The following CRB1 variants were observed in gnomAD, a reference collection of about 807,000 sequenced individuals.
CRB1 encodes protein crumbs homolog 1.
CRB1 carries 83 observed loss-of-function variants against 120.0 expected under a neutral mutation model. The ratio of observed to expected loss-of-function variants is 0.69; its 90% CI spans 0.58 to 0.83. CRB1 has a LOEUF of 0.83. Among genes scored for constraint, CRB1 ranks in the 40% least tolerant of loss-of-function variants. The probability of loss-of-function intolerance (pLI) is 0.00; values close to 1 mark genes in which losing one functional copy is unlikely to be tolerated. For missense variants in CRB1, 1,699 were observed against 1,687.6 expected (o/e 1.01, Z -0.12); for synonymous variants, 625 against 612.5 (o/e 1.02, Z -0.30).
intron 1 of CRB1, among the ~76,000 whole-genome samples, chr1:197,291,156 A>G (rs1656155229): frequency 6.6e-6 from 1 of 151,880 alleles, no homozygotes; most frequent in African/African-American, 2.4e-5. Flanking sequence ...AATTAGTAAT[A>G]TTTAAATTTC....
intron 1 of CRB1, among the ~76,000 whole-genome samples, chr1:197,270,643 A>G (rs542944517): frequency 2.3e-4 from 35 of 152,196 alleles, no homozygotes; most frequent in Non-Finnish European, 3.8e-4. Flanking sequence ...TCTTATATAC[A>G]TAATAACCCT....
In CRB1 at chr1:197,405,078, C is replaced by T. The variant is rs569736611; in HGVS notation, c.1172-15922C>T. 8.6e-5 allele frequency among the ~76,000 whole-genome samples: 13 copies of T among 151,766 alleles called. No individual in the cohort carries two copies. In the South Asian group the frequency reaches 2.3e-3, roughly 27 times the overall value. ...CCTCTCCCTCTCCCTCTCCCTCTCCCCACGGTCTCCCTCTCCCTCTCTTTC... is the reference window on the plus strand; with the variant it reads ...CCTCTCCCTCTCCCTCTCCCTCTCCTCACGGTCTCCCTCTCCCTCTCTTTC... On this transcript the variant is annotated intron_variant, in intron 5 of 11. Coordinates refer to ENST00000367400, the MANE Select transcript of CRB1 (RefSeq NM_201253.3).
chr1:197,355,999 TAAAAC>T (rs1248775137), intron 4 of CRB1, among the ~76,000 whole-genome samples: 1 of 152,204 alleles, frequency 6.6e-6, no homozygotes, highest in Admixed American at 6.5e-5. Context: ...AAAATGTACA[TAAAAC>T]AAAGGTTAAA....
intron 8 of CRB1, among the ~76,000 whole-genome samples, chr1:197,434,323 T>C (rs1031197158): frequency 2.0e-5 from 3 of 151,484 alleles, no homozygotes; most frequent in African/African-American, 7.2e-5. Flanking sequence ...TATCAATGCT[T>C]TATTTGTGGG....
intron 1 of CRB1, among the ~76,000 whole-genome samples, chr1:197,270,192 T>C (rs1450687014): frequency 6.6e-6 from 1 of 152,170 alleles, no homozygotes; most frequent in Non-Finnish European, 1.5e-5. Context: ...TAACATAATA[T>C]CTAGCAGTAA....
the CRB1 span, among the ~76,000 whole-genome samples, chr1:197,256,238 C>G: frequency 6.6e-6 from 1 of 151,544 alleles, no homozygotes; most frequent in African/African-American, 2.4e-5. Context: ...TTCTAGGAAA[C>G]CATCTTTTCT....
chr1:197,252,044 A>G, the CRB1 span, among the ~76,000 whole-genome samples: 1 of 151,894 alleles, frequency 6.6e-6, no homozygotes, highest in African/African-American at 2.4e-5. Context: ...CTAGCTATCC[A>G]CAGTTTTGTT....
intron 11 of CRB1, among the ~76,000 whole-genome samples, chr1:197,451,600 G>T (rs997692721): frequency 1.3e-5 from 2 of 152,158 alleles, no homozygotes; most frequent in African/African-American, 4.8e-5. Context: ...AGCAAGGATG[G>T]GCTGGGCCTG....
intron 2 of CRB1, among the ~76,000 whole-genome samples, chr1:197,341,249 G>C (rs537998728): frequency 1.3e-5 from 2 of 152,144 alleles, no homozygotes; most frequent in Non-Finnish European, 2.9e-5. Flanking sequence ...ACGGTATCAG[G>C]AGGATGATCT....
intron 6 of CRB1, among the ~76,000 whole-genome samples, chr1:197,423,075 G>A (rs776489949): frequency 5.9e-5 from 9 of 152,068 alleles, no homozygotes; most frequent in Non-Finnish European, 1.3e-4. Context: ...GGAGAAAAAG[G>A]GAAATTATGC....
At chr1:197,384,423 C>A (rs1662111581) in intron 5 of CRB1, among the ~76,000 whole-genome samples, 1 of 152,158 alleles carries the variant, frequency 6.6e-6, no homozygotes, top group Non-Finnish European at 1.5e-5. Context: ...GCATCAATAG[C>A]TGGAAGTGAA....
At chr1:197,403,111 G>A (rs1263682259) in intron 5 of CRB1, among the ~76,000 whole-genome samples, 1 of 152,050 alleles carries the variant, frequency 6.6e-6, no homozygotes, top group Non-Finnish European at 1.5e-5. Flanking sequence ...CAGATTTTGG[G>A]TTTTCTTCCT....
chr1:197,295,758 T>C (rs1385404932), intron 1 of CRB1, among the ~76,000 whole-genome samples: 1 of 152,018 alleles, frequency 6.6e-6, no homozygotes, highest in Non-Finnish European at 1.5e-5. Context: ...AGATTGTGAA[T>C]TAGATCTTCT....
At chr1:197,472,592 G>A (rs1027510542) in intron 11 of CRB1, among the ~76,000 whole-genome samples, 2 of 151,916 alleles carry the variant, frequency 1.3e-5, no homozygotes, top group Non-Finnish European at 2.9e-5. Context: ...TGCTGTCATC[G>A]GCCCTAAATA....
the CRB1 span, among the ~76,000 whole-genome samples, chr1:197,225,836 G>A: frequency 4.2e-3 from 633 of 152,272 alleles, 8 homozygotes; most frequent in East Asian, 0.034. Flanking sequence ...AAGTTTGATA[G>A]GTTTTAAGAG....
intron 1 of CRB1, among the ~76,000 whole-genome samples, chr1:197,289,981 A>T (rs1359476256): frequency 6.6e-6 from 1 of 151,570 alleles, no homozygotes; most frequent in Non-Finnish European, 1.5e-5. Context: ...AGTTATTTTT[A>T]TCTAGTTATA....
chr1:197,471,085 C>T (rs1666959221), intron 11 of CRB1, among the ~76,000 whole-genome samples: 1 of 152,014 alleles, frequency 6.6e-6, no homozygotes, highest in Non-Finnish European at 1.5e-5. Context: ...CTAGCCTCTT[C>T]CTTCCTATCA....
At chr1:197,281,644 G>A (rs1177717755) in intron 1 of CRB1, among the ~76,000 whole-genome samples, 1 of 151,928 alleles carries the variant, frequency 6.6e-6, no homozygotes, top group Non-Finnish European at 1.5e-5. Flanking sequence ...ACCTCAAACA[G>A]CGTGGTCCTG....
the CRB1 span, among the ~76,000 whole-genome samples, chr1:197,202,978 T>G: frequency 6.8e-6 from 1 of 147,916 alleles, no homozygotes; most frequent in South Asian, 2.2e-4. Flanking sequence ...TGTGTGTGTG[T>G]GTGTCTGTGT....
Sources: allele counts gnomAD v4.1 joint callset (sites outside exome capture counted in the v4.1 genomes callset), GRCh38; gene constraint gnomAD v4.1.1; transcripts MANE v1.5; gene names NCBI Gene and HGNC (gene_info 2026-07-23, HGNC 2026-07-21).